EPHA5: variants seen among roughly 807,000 people sequenced by gnomAD.
EPHA5 encodes EPH receptor A5.
Under a neutral mutation model 105.0 loss-of-function variants are expected in EPHA5, and 60 were observed. That is an observed-to-expected ratio of 0.57 (90% confidence interval 0.46 to 0.71). The LOEUF (loss-of-function observed/expected upper bound fraction) is 0.71. Ranked by LOEUF, EPHA5 falls within the 30% of genes least tolerant of loss-of-function variation. EPHA5 has a pLI of 0.00. For missense variants in EPHA5, 1,218 were observed against 1,274.7 expected, an observed-to-expected ratio of 0.96 and a Z score of 0.68; for synonymous variants, 513 against 449.1, an observed-to-expected ratio of 1.14 and a Z score of -1.80.
intron 3 of EPHA5, among the ~76,000 whole-genome samples, chr4:65,600,288 C>A (rs954716814): frequency 2.0e-5 from 3 of 151,998 alleles, no homozygotes; most frequent in Non-Finnish European, 4.4e-5. Context: ...CCCCAATAAG[C>A]TTTTAAGCAT....
intron 3 of EPHA5, among the ~76,000 whole-genome samples, chr4:65,496,988 G>A (rs1024372079): frequency 1.3e-5 from 2 of 152,092 alleles, no homozygotes; most frequent in Non-Finnish European, 2.9e-5. Context: ...TTTTCTACAT[G>A]TTCATATTAT....
At chr4:65,530,937 T>C (rs1207800187) in intron 3 of EPHA5, among the ~76,000 whole-genome samples, 1 of 152,220 alleles carries the variant, frequency 6.6e-6, no homozygotes, top group East Asian at 1.9e-4. Context: ...AGTGAAAGTA[T>C]AATAGTCGTA....
intron 1 of EPHA5, among the ~76,000 whole-genome samples, chr4:65,649,320 C>A (rs1241655127): frequency 2.6e-5 from 4 of 152,170 alleles, no homozygotes; most frequent in African/African-American, 2.4e-5. Flanking sequence ...TTACAACCAC[C>A]TATTTCCCTG....
chr4:65,610,840 G>A (rs567024497), intron 2 of EPHA5, among the ~76,000 whole-genome samples: 2 of 152,230 alleles, frequency 1.3e-5, no homozygotes, highest in African/African-American at 4.8e-5. Context: ...CACTGATCTA[G>A]TTTAGTTCCA....
intron 16 of EPHA5, among the ~76,000 whole-genome samples, chr4:65,328,372 A>C (rs2148789001): frequency 6.6e-6 from 1 of 151,418 alleles, no homozygotes; most frequent in East Asian, 2.0e-4. Context: ...ATGATGCTAA[A>C]ATGGCAGAAT....
intron 3 of EPHA5, among the ~76,000 whole-genome samples, chr4:65,566,845 C>T (rs1739587875): frequency 1.3e-5 from 2 of 151,652 alleles, no homozygotes; most frequent in African/African-American, 2.4e-5. Context: ...TGTTTTGGTA[C>T]ATTGACATTT....
At chr4:65,469,011 C>T (rs1041401419) in intron 5 of EPHA5, among the ~76,000 whole-genome samples, 20 of 151,994 alleles carry the variant, frequency 1.3e-4, no homozygotes, top group Admixed American at 9.2e-4. Flanking sequence ...TAAGCACTAT[C>T]TTAAACGGGC....
In EPHA5 at chr4:65,602,159, T is replaced by C. The variant is rs771023872; in HGVS notation, c.392A>G (p.Lys131Arg). 7 of 1,613,986 alleles carry C rather than the reference T, an allele frequency of 4.3e-6. No homozygotes were observed. The South Asian group carries it at 4.4e-5, about 10-fold the overall frequency. The change falls in exon 3 of 17, where the codon AAA becomes AGA. Residue 131 changes from lysine to arginine, a missense_variant. Lys to Arg is a conservative substitution (Grantham distance 26). This residue lies in a region of EPHA5 where 233 missense variants were observed against 227.5 expected (regional missense o/e 1.02). Coordinates refer to ENST00000613740, the MANE Select transcript of EPHA5 (RefSeq NM_001281766.3). ...EGASRIFIEL[K>R]FTLRDCNSLP... is the part of the protein sequence containing the mutation. ...GCTGTTGCAGTCCCGCAGGGTAAAT[T>C]TGAGTTCTATGAAGATTCTGGAAGC...
chr4:65,614,419 T>A (rs546909272), intron 2 of EPHA5, among the ~76,000 whole-genome samples: 18 of 151,950 alleles, frequency 1.2e-4, no homozygotes, highest in African/African-American at 4.1e-4. Context: ...TACTTTTACA[T>A]CTATTTGTAT....
intron 8 of EPHA5, among the ~76,000 whole-genome samples, chr4:65,386,071 A>C (rs1355117338): frequency 6.6e-6 from 1 of 151,912 alleles, no homozygotes; most frequent in Non-Finnish European, 1.5e-5. Flanking sequence ...CACAAAATTA[A>C]CATTTTAAAG....
chr4:65,569,365 G>A (rs1444268387), intron 3 of EPHA5, among the ~76,000 whole-genome samples: 1 of 151,426 alleles, frequency 6.6e-6, no homozygotes, highest in African/African-American at 2.4e-5. Flanking sequence ...AAACTTAAGA[G>A]GAAAAAATGT....
intron 14 of EPHA5, among the ~76,000 whole-genome samples, chr4:65,343,220 G>A (rs541694413): frequency 6.2e-4 from 94 of 152,040 alleles, no homozygotes; most frequent in Non-Finnish European, 1.0e-3. Flanking sequence ...TCAATAAATA[G>A]GCTTCTACTG....
chr4:65,495,401 T>C lies in EPHA5; in HGVS notation c.1053A>G (p.Thr351=). 1 of 1,613,090 alleles carries C rather than the reference T, an allele frequency of 6.2e-7. No individual in the cohort carries two copies. The highest frequency in any genetic ancestry group is 1.3e-5 in the African/African-American group (1 of 74,946). Residue 351 remains threonine, a synonymous_variant, in exon 4 of 17, where the codon ACA becomes ACG. Coordinates refer to ENST00000613740, the MANE Select transcript of EPHA5 (RefSeq NM_001281766.3). ...DYFRRESDPP[T]MACTRPPSAP... is the part of the protein sequence containing the mutation. ...GGGTTTCCTTACTTGTGCATGCCAT[T>C]GTGGGTGGATCAGACTCTCTCCTGA...
At chr4:65,480,532 G>T (rs569120254) in intron 5 of EPHA5, among the ~76,000 whole-genome samples, 1 of 152,192 alleles carries the variant, frequency 6.6e-6, no homozygotes, top group East Asian at 1.9e-4. Flanking sequence ...TGATGAAAGT[G>T]AAGGAAAAAA....
chr4:65,603,491 A>C (rs561859879), intron 2 of EPHA5, among the ~76,000 whole-genome samples: 4 of 152,258 alleles, frequency 2.6e-5, no homozygotes, highest in Middle Eastern at 3.4e-3. Flanking sequence ...AAAACTTCAT[A>C]GACACTCATT....
At chr4:65,434,071 T>A (rs1460429583) in intron 5 of EPHA5, among the ~76,000 whole-genome samples, 1 of 151,878 alleles carries the variant, frequency 6.6e-6, no homozygotes, top group Non-Finnish European at 1.5e-5. Flanking sequence ...ATAAAAAAAT[T>A]AAAAAATAGC....
intron 3 of EPHA5, among the ~76,000 whole-genome samples, chr4:65,531,476 C>A (rs139041797): frequency 3.1e-3 from 452 of 144,440 alleles, no homozygotes; most frequent in Admixed American, 8.2e-3. Flanking sequence ...GCAGAATGAC[C>A]ATGATCCAGG....
intron 3 of EPHA5, among the ~76,000 whole-genome samples, chr4:65,574,578 A>T (rs1373335468): frequency 6.9e-6 from 1 of 145,160 alleles, no homozygotes; most frequent in Middle Eastern, 3.6e-3. Flanking sequence ...CAGAATAAAT[A>T]TGTCTCTCTC....
chr4:65,663,409 T>C (rs980035788), intron 1 of EPHA5, among the ~76,000 whole-genome samples: 3 of 152,000 alleles, frequency 2.0e-5, no homozygotes, highest in Admixed American at 6.6e-5. Context: ...TTTATGACTT[T>C]GTAACATCTG....
Sources: gnomAD v4.1 joint callset for allele counts (sites outside exome capture counted in the v4.1 genomes callset) on GRCh38, gnomAD v4.1.1 for gene constraint, gnomAD v4.1.1 regional missense constraint, MANE v1.5 for transcripts, NCBI Gene and HGNC (gene_info 2026-07-23, HGNC 2026-07-21) for gene names.